Variants in NIN observed in about 807,000 individuals in gnomAD.
The protein encoded by NIN is glycogen synthase kinase 3 beta-interacting protein.
Under a neutral mutation model 257.6 loss-of-function variants are expected in NIN, and 137 were observed. The ratio of observed to expected loss-of-function variants is 0.53; its 90% CI spans 0.46 to 0.61. The LOEUF is 0.61. NIN is among the 20% of genes least tolerant of loss of function. The pLI, the probability that NIN is intolerant of heterozygous loss-of-function variation, is 0.00. For synonymous variants in NIN, 918 were observed against 919.8 expected (o/e 1.00, Z 0.04); for missense variants, 2,439 against 2,501.2 (o/e 0.98, Z 0.53).
chr14:50,804,170 T>C (rs1256931956), intron 4 of NIN, among the ~76,000 whole-genome samples: 1 of 152,158 alleles, frequency 6.6e-6, no homozygotes, highest in Non-Finnish European at 1.5e-5. Context: ...GTGCTGGGAT[T>C]AGAGGCATGA....
At chr14:50,732,960 TG>T (rs1455924195) in intron 28 of NIN, among the ~76,000 whole-genome samples, 3 of 151,968 alleles carry the variant, frequency 2.0e-5, no homozygotes, top group South Asian at 4.1e-4. Flanking sequence ...CCCAACACTT[TG>T]GGAGGCTGAG....
Position 50,770,765 on chromosome 14 carries a change from G to C in NIN, c.1259+87C>G, listed in dbSNP as rs999273857. 3.4e-6 allele frequency: 5 copies of C among 1,482,938 alleles called. No individual in the cohort carries two copies. The South Asian group carries it at 6.6e-5, about 20-fold the overall frequency. The allele number at this position is 1,482,938 out of a possible 1,614,324, so 91.9% of individuals were successfully genotyped here. A position where few individuals can be genotyped will look rare whatever the true frequency, so the allele number is the denominator to read the frequency against. On this transcript the variant is annotated intron_variant, in intron 11 of 30. Coordinates refer to ENST00000530997, the MANE Select transcript of NIN (RefSeq NM_020921.4). ...AACAGGCTGACCAGAAGAGTCCCCAGTGCACTGTTCTGCCCCTGCAGCTGC... is the reference window on the plus strand; with the variant it reads ...AACAGGCTGACCAGAAGAGTCCCCACTGCACTGTTCTGCCCCTGCAGCTGC...
intron 7 of NIN, among the ~76,000 whole-genome samples, chr14:50,773,977 C>G (rs1328320938): frequency 6.6e-6 from 1 of 152,192 alleles, no homozygotes; most frequent in African/African-American, 2.4e-5. Flanking sequence ...TCAGATTCCT[C>G]TTTATTCTGG....
chr14:50,782,038 G>C (rs1261855293), intron 5 of NIN, among the ~76,000 whole-genome samples: 1 of 151,456 alleles, frequency 6.6e-6, no homozygotes, highest in Non-Finnish European at 1.5e-5. Context: ...AAAAACATGG[G>C]GGAAGGTTCA....
At chr14:50,761,120 A>T (rs1428779493) in intron 16 of NIN, among the ~76,000 whole-genome samples, 2 of 152,182 alleles carry the variant, frequency 1.3e-5, no homozygotes, top group Non-Finnish European at 2.9e-5. Context: ...GTACAGTAGG[A>T]GGCAGAAAAT....
At chr14:50,807,429 G>T (rs1382980679) in intron 3 of NIN, among the ~76,000 whole-genome samples, 1 of 152,200 alleles carries the variant, frequency 6.6e-6, no homozygotes. Context: ...ACTGAAGTTG[G>T]AAAGAACCTG....
chr14:50,787,644 C>T (rs1390981623), intron 5 of NIN, among the ~76,000 whole-genome samples: 1 of 152,150 alleles, frequency 6.6e-6, no homozygotes, highest in African/African-American at 2.4e-5. Context: ...ACTTTCTTTT[C>T]AATATCACCC....
chr14:50,804,355 T>C (rs1419252374), intron 4 of NIN, among the ~76,000 whole-genome samples: 1 of 152,230 alleles, frequency 6.6e-6, no homozygotes, highest in Non-Finnish European at 1.5e-5. Flanking sequence ...GGCTGACTCA[T>C]GTCTCAAAGC....
chr14:50,780,559 T>C (rs570861491), intron 5 of NIN, among the ~76,000 whole-genome samples: 1 of 152,308 alleles, frequency 6.6e-6, no homozygotes, highest in South Asian at 2.1e-4. Flanking sequence ...CTCATCTACT[T>C]TATTCTCCAC....
intron 17 of NIN, 43 bp downstream of exon 17, chr14:50,759,814 G>T: frequency 1.3e-6 from 2 of 1,561,102 alleles, no homozygotes; most frequent in South Asian, 2.5e-5. Flanking sequence ...AATGCCCCGA[G>T]GGATGGTGCC....
intron 7 of NIN, among the ~76,000 whole-genome samples, chr14:50,773,568 C>A (rs1401527200): frequency 6.6e-6 from 1 of 152,148 alleles, no homozygotes; most frequent in South Asian, 2.1e-4. Context: ...AGAATTTGGT[C>A]TGGGACAGAT....
Position 50,757,556 on chromosome 14 carries a change from T to C in NIN, c.3474A>G (p.Thr1158=). Residue 1158 remains threonine (T), a synonymous_variant, in exon 18 of 31, where the codon ACA becomes ACG. Coordinates refer to ENST00000530997, the MANE Select transcript of NIN (RefSeq NM_020921.4). ...CCTGTCTCTGAACAGAGCTCGTCCC[T>C]GTACTTCCCAGGTCCCGGACCTCAT... The part of the protein sequence containing the change: ...EDDEVRDLGS[T]GTSSVQRQEV... 1 of 1,614,148 alleles carries C rather than the reference T, an allele frequency of 6.2e-7. No individual in the cohort carries two copies. The highest frequency in any genetic ancestry group is 8.5e-7 in the Non-Finnish European group (1 of 1,180,030).
chr14:50,760,804 T>C (rs893684218), intron 16 of NIN, among the ~76,000 whole-genome samples: 1 of 152,086 alleles, frequency 6.6e-6, no homozygotes, highest in African/African-American at 2.4e-5. Flanking sequence ...TCCTGAGTAG[T>C]TGGGACTAAA....
At chr14:50,813,375 G>A (rs2044729610) in intron 3 of NIN, among the ~76,000 whole-genome samples, 1 of 152,152 alleles carries the variant, frequency 6.6e-6, no homozygotes, top group South Asian at 2.1e-4. Flanking sequence ...CCTATACCTT[G>A]TATGCCTCAA....
intron 3 of NIN, among the ~76,000 whole-genome samples, chr14:50,812,478 T>C (rs562864253): frequency 1.6e-4 from 25 of 152,258 alleles, no homozygotes; most frequent in East Asian, 3.9e-4. Context: ...AGGAGATACA[T>C]GATCAAGAAG....
chr14:50,734,000 G>A (rs2040847405), intron 28 of NIN, among the ~76,000 whole-genome samples: 1 of 151,906 alleles, frequency 6.6e-6, no homozygotes, highest in South Asian at 2.1e-4. Flanking sequence ...AATGCTTGGT[G>A]CTTGGTTTTT....
intron 2 of NIN, chr14:50,823,156 G>GT (rs767367851): frequency 1.9e-4 from 86 of 444,644 alleles, no homozygotes; most frequent in African/African-American, 1.6e-3. Context: ...GAAATCTGTG[G>GT]TTTTTTTTTT....
At chr14:50,771,096 G>C in intron 10 of NIN, 104 bp from the exon 11 acceptor site, 1 of 1,404,468 alleles carries the variant, frequency 7.1e-7, no homozygotes, top group Non-Finnish European at 9.6e-7. Context: ...GCAAAACCAA[G>C]ACAACCAAAA....
intron 7 of NIN, among the ~76,000 whole-genome samples, chr14:50,775,127 T>C (rs1419949819): frequency 6.6e-6 from 1 of 152,042 alleles, no homozygotes; most frequent in African/African-American, 2.4e-5. Flanking sequence ...GTGCATGTCC[T>C]CTCCAAAGGG....
Sources: gnomAD v4.1 joint callset for allele counts (sites outside exome capture counted in the v4.1 genomes callset) on GRCh38, gnomAD v4.1.1 for gene constraint, MANE v1.5 for transcripts, NCBI Gene and HGNC (gene_info 2026-07-23, HGNC 2026-07-21) for gene names.